SLC12A6: variants seen among roughly 807,000 people sequenced by gnomAD.
The protein encoded by SLC12A6 is solute carrier family 12 member 6.
In SLC12A6, 66 loss-of-function variants were observed where a neutral mutation model predicts 135.3. That is an observed-to-expected ratio of 0.49 (90% CI 0.40 to 0.60). SLC12A6 has a LOEUF of 0.60. Ranked by LOEUF, SLC12A6 falls within the 20% of genes least tolerant of loss-of-function variation. The pLI is 0.00. For synonymous variants in SLC12A6, 513 were observed against 508.8 expected (o/e 1.01, Z -0.11); for missense variants, 1,058 against 1,452.3 (o/e 0.73, Z 4.41).
In SLC12A6 at chr15:34,336,121, T is replaced by C. The variant is rs2615351; in HGVS notation, c.271+289A>G. On this transcript the variant is annotated intron_variant, in intron 2 of 25. Coordinates refer to ENST00000354181, the MANE Select transcript of SLC12A6 (RefSeq NM_001365088.1). Reference sequence around the variant, plus strand: ...AACGATTACATTCTTTGATATTCACTTTTAACCAAAATACCCATTTCATTT... The same window carrying C: ...AACGATTACATTCTTTGATATTCACCTTTAACCAAAATACCCATTTCATTT... Among the ~76,000 whole-genome samples, 150,707 of 152,280 alleles carry C rather than the reference T, an allele frequency of 0.99. 74,586 individuals are homozygous for C. The highest frequency in any genetic ancestry group is 1 in the East Asian group (5,179 of 5,180).
At chr15:34,239,217 A>G (rs1158621723) in intron 19 of SLC12A6, 57 bp from the exon 20 acceptor site, 5 of 1,280,654 alleles carry the variant, frequency 3.9e-6, no homozygotes, top group Non-Finnish European at 5.7e-6. Context: ...ATTTTAACCC[A>G]TTGTTCCTTC....
At chr15:34,332,336 G>C (rs1163349120) in intron 2 of SLC12A6, among the ~76,000 whole-genome samples, 1 of 152,180 alleles carries the variant, frequency 6.6e-6, no homozygotes, top group Non-Finnish European at 1.5e-5. Flanking sequence ...GAAGGAATAA[G>C]TAAAGTGCTC....
intron 2 of SLC12A6, among the ~76,000 whole-genome samples, chr15:34,324,872 T>C (rs1889362706): frequency 6.6e-6 from 1 of 152,116 alleles, no homozygotes; most frequent in Non-Finnish European, 1.5e-5. Flanking sequence ...TCTTTGAATT[T>C]CCAATTCATT....
At chr15:34,257,865 C>T (rs2140748079) in intron 5 of SLC12A6, 77 bp from the exon 6 acceptor site, 2 of 944,106 alleles carry the variant, frequency 2.1e-6, no homozygotes, top group East Asian at 2.5e-5. Context: ...TAATAACTTG[C>T]TCCCTAACTA....
intron 2 of SLC12A6, among the ~76,000 whole-genome samples, chr15:34,299,862 T>C (rs563798070): frequency 1.3e-5 from 2 of 152,164 alleles, no homozygotes; most frequent in South Asian, 2.1e-4. Flanking sequence ...GGGTTTTAAA[T>C]GAGGGAGTAA....
intron 20 of SLC12A6, 60 bp from the exon 21 acceptor site, chr15:34,238,461 G>T: frequency 3.0e-6 from 4 of 1,320,474 alleles, no homozygotes; most frequent in African/African-American, 1.4e-5. Flanking sequence ...TTCCTAGCAT[G>T]TCAGGAAAGC....
chr15:34,295,597 T>C (rs1250099678), intron 2 of SLC12A6, among the ~76,000 whole-genome samples: 6 of 152,234 alleles, frequency 3.9e-5, no homozygotes, highest in South Asian at 2.1e-4. Flanking sequence ...AGCACTGATA[T>C]ACACATTGAT....
chr15:34,292,873 C>T (rs74860104), intron 2 of SLC12A6, among the ~76,000 whole-genome samples: 14,768 of 152,202 alleles, frequency 0.097, 812 homozygotes, highest in South Asian at 0.15. Context: ...GTGGGAAAAG[C>T]GCAGTATTTG....
At chr15:34,272,324 G>A (rs1026586932) in intron 3 of SLC12A6, among the ~76,000 whole-genome samples, 1 of 152,132 alleles carries the variant, frequency 6.6e-6, no homozygotes, top group Non-Finnish European at 1.5e-5. Flanking sequence ...TTATCAGATG[G>A]TTAGAAAATA....
chr15:34,255,807 T>C (rs2705346), intron 7 of SLC12A6, among the ~76,000 whole-genome samples: 96,889 of 148,188 alleles, frequency 0.65, 33,379 homozygotes, highest in Admixed American at 0.76. Context: ...GTCACCTCTG[T>C]AAAAAAAAAA....
chr15:34,305,982 C>T (rs1225815176), intron 2 of SLC12A6, among the ~76,000 whole-genome samples: 6 of 151,902 alleles, frequency 3.9e-5, no homozygotes, highest in Non-Finnish European at 8.8e-5. Flanking sequence ...AGGATGGTCT[C>T]GATCTCCTGA....
At chr15:34,308,538 T>C (rs1887898151) in intron 2 of SLC12A6, among the ~76,000 whole-genome samples, 1 of 150,050 alleles carries the variant, frequency 6.7e-6, no homozygotes, top group African/African-American at 2.5e-5. Flanking sequence ...GACAGGAGAA[T>C]TGCCTGAACC....
chr15:34,336,906 G>A (rs1434866359), intron 1 of SLC12A6, 154 bp from the exon 2 acceptor site: 11 of 582,814 alleles, frequency 1.9e-5, no homozygotes, highest in Non-Finnish European at 2.7e-5. Flanking sequence ...TTTTAAGAGA[G>A]AAAAAAACAA....
At chr15:34,317,369 T>A (rs906420722) in intron 2 of SLC12A6, among the ~76,000 whole-genome samples, 1 of 152,202 alleles carries the variant, frequency 6.6e-6, no homozygotes, top group African/African-American at 2.4e-5. Context: ...ATGTGTTACA[T>A]GCTATAAAGG....
intron 10 of SLC12A6, 129 bp from the exon 11 acceptor site, chr15:34,251,186 T>A (rs572132695): frequency 1.4e-6 from 1 of 720,488 alleles, no homozygotes; most frequent in Non-Finnish European, 2.5e-6. Flanking sequence ...TGCTTCTACA[T>A]GAGCACATGT....
chr15:34,312,948 A>G (rs1440049786), intron 2 of SLC12A6, among the ~76,000 whole-genome samples: 1 of 152,230 alleles, frequency 6.6e-6, no homozygotes, highest in East Asian at 1.9e-4. Context: ...GTGCCCACAG[A>G]AGACTTAATC....
chr15:34,236,839 G>A (rs1891303276), intron 22 of SLC12A6, 24 bp from the exon 23 acceptor site: 1 of 1,343,024 alleles, frequency 7.4e-7, no homozygotes, highest in Non-Finnish European at 1.1e-6. Context: ...CACATAAAAG[G>A]GGCAAAAAGC....
At chr15:34,237,162 A>G (rs1891321829) in intron 22 of SLC12A6, 2 of 475,278 alleles carry the variant, frequency 4.2e-6, no homozygotes, top group East Asian at 8.3e-5. Context: ...AACTATATTA[A>G]GCAGATGAGA....
intron 1 of SLC12A6, 177 bp downstream of exon 1, chr15:34,337,155 T>C (rs1271259431): frequency 1.5e-5 from 4 of 258,492 alleles, no homozygotes; most frequent in African/African-American, 6.9e-5. Context: ...CAGGCGACTA[T>C]AGCGTGGATC....
Sources: allele counts gnomAD v4.1 joint callset (sites outside exome capture counted in the v4.1 genomes callset), GRCh38; gene constraint gnomAD v4.1.1; transcripts MANE v1.5; gene names NCBI Gene and HGNC (gene_info 2026-07-23, HGNC 2026-07-21).